The following NIBAN1 variants were observed in gnomAD, a reference collection of about 807,000 sequenced individuals.
The protein encoded by NIBAN1 is niban apoptosis regulator 1, also known as protein Niban 1.
NIBAN1 carries 81 observed loss-of-function variants against 75.1 expected under a neutral mutation model. That is an observed-to-expected ratio of 1.08 (90% CI 0.90 to 1.30). The LOEUF (loss-of-function observed/expected upper bound fraction) is 1.30. Among genes scored for constraint, NIBAN1 ranks in the 50% most tolerant of loss-of-function variants. The probability of loss-of-function intolerance (pLI) is 0.00; values close to 1 mark genes in which losing one functional copy is unlikely to be tolerated. For missense variants in NIBAN1, 1,133 were observed against 1,128.1 expected, an observed-to-expected ratio of 1.00 and a Z score of -0.06; for synonymous variants, 436 against 424.8, an observed-to-expected ratio of 1.03 and a Z score of -0.32.
intron 1 of NIBAN1, among the ~76,000 whole-genome samples, chr1:184,931,827 A>G (rs1312802968): frequency 6.6e-6 from 1 of 152,250 alleles, no homozygotes; most frequent in African/African-American, 2.4e-5. Flanking sequence ...GTAGCGCAGC[A>G]CAATCATTAA....
intron 1 of NIBAN1, among the ~76,000 whole-genome samples, chr1:184,948,883 A>G (rs1477669752): frequency 6.6e-6 from 1 of 152,206 alleles, no homozygotes; most frequent in Non-Finnish European, 1.5e-5. Flanking sequence ...TTACTTAACA[A>G]CAGATTGAAG....
intron 1 of NIBAN1, among the ~76,000 whole-genome samples, chr1:184,936,264 C>T (rs909222663): frequency 1.3e-5 from 2 of 152,128 alleles, no homozygotes; most frequent in Admixed American, 1.3e-4. Context: ...AACAGGAGAA[C>T]TCACAGATTC....
intron 9 of NIBAN1, among the ~76,000 whole-genome samples, chr1:184,813,834 G>A (rs1457524950): frequency 6.6e-6 from 1 of 152,172 alleles, no homozygotes; most frequent in Non-Finnish European, 1.5e-5. Context: ...TTCGATGCTG[G>A]AATAAGTCAT....
At chr1:184,952,241 G>T (rs1242096581) in intron 1 of NIBAN1, among the ~76,000 whole-genome samples, 1 of 151,970 alleles carries the variant, frequency 6.6e-6, no homozygotes, top group Non-Finnish European at 1.5e-5. Flanking sequence ...CTCTACAAAA[G>T]AAAATTGAAA....
intron 5 of NIBAN1, among the ~76,000 whole-genome samples, chr1:184,836,123 C>T (rs1297032582): frequency 1.3e-5 from 2 of 152,108 alleles, no homozygotes; most frequent in East Asian, 1.9e-4. Flanking sequence ...TAAAGTCTTG[C>T]TATAAAATTG....
intron 1 of NIBAN1, among the ~76,000 whole-genome samples, chr1:184,965,172 G>A (rs181189545): frequency 2.4e-4 from 37 of 152,166 alleles, no homozygotes; most frequent in African/African-American, 8.9e-4. Context: ...GGTGGTGGGC[G>A]CCTGTAGTCC....
At chr1:184,917,550 G>A (rs1657426060) in intron 1 of NIBAN1, among the ~76,000 whole-genome samples, 1 of 151,716 alleles carries the variant, frequency 6.6e-6, no homozygotes, top group East Asian at 1.9e-4. Context: ...ATCTTCAAAA[G>A]TATCCTTAAA....
chr1:184,867,375 A>G (rs150776031), intron 5 of NIBAN1, among the ~76,000 whole-genome samples: 1 of 152,186 alleles, frequency 6.6e-6, no homozygotes, highest in Non-Finnish European at 1.5e-5. Flanking sequence ...CAAACCACCT[A>G]TGTTCTTAGC....
intron 9 of NIBAN1, among the ~76,000 whole-genome samples, chr1:184,816,670 G>A (rs972005731): frequency 6.6e-6 from 1 of 152,056 alleles, no homozygotes; most frequent in African/African-American, 2.4e-5. Flanking sequence ...TTTTTCTCCT[G>A]TAAATAGGAT....
chr1:184,867,097 G>A (rs1655975989), intron 5 of NIBAN1, among the ~76,000 whole-genome samples: 1 of 151,858 alleles, frequency 6.6e-6, no homozygotes, highest in African/African-American at 2.4e-5. Context: ...ACATCAGCAA[G>A]GCCAAACAGG....
At chr1:184,871,539 TG>T (rs1656111032) in intron 5 of NIBAN1, among the ~76,000 whole-genome samples, 1 of 152,144 alleles carries the variant, frequency 6.6e-6, no homozygotes, top group Non-Finnish European at 1.5e-5. Context: ...TTTTGAACTT[TG>T]AGACAATACA....
intron 1 of NIBAN1, among the ~76,000 whole-genome samples, chr1:184,972,508 C>T (rs1404584584): frequency 1.3e-5 from 2 of 152,252 alleles, no homozygotes; most frequent in Middle Eastern, 3.4e-3. Context: ...GAGTCTTTTT[C>T]CCTGGAGGTA....
intron 1 of NIBAN1, among the ~76,000 whole-genome samples, chr1:184,955,718 T>A (rs1465246599): frequency 2.6e-5 from 4 of 152,184 alleles, no homozygotes; most frequent in Non-Finnish European, 5.9e-5. Context: ...AATGTATTCA[T>A]TGAAATGTTA....
intron 5 of NIBAN1, among the ~76,000 whole-genome samples, chr1:184,878,685 G>C (rs561788602): frequency 6.6e-6 from 1 of 152,318 alleles, no homozygotes; most frequent in Admixed American, 6.5e-5. Flanking sequence ...GCAAAGAATA[G>C]ATTGATTTAA....
chr1:184,962,848 A>G (rs1003485865), intron 1 of NIBAN1, among the ~76,000 whole-genome samples: 5 of 152,180 alleles, frequency 3.3e-5, no homozygotes, highest in Non-Finnish European at 4.4e-5. Context: ...AACTTATATT[A>G]AACACTGGTA....
chr1:184,855,142 G>A (rs1655642239), intron 5 of NIBAN1, among the ~76,000 whole-genome samples: 2 of 152,096 alleles, frequency 1.3e-5, no homozygotes, highest in Admixed American at 1.3e-4. Context: ...ATTTCCCTAC[G>A]AATAAGGCAA....
chr1:184,874,883 G>T (rs234648), intron 5 of NIBAN1, among the ~76,000 whole-genome samples: 27,709 of 151,820 alleles, frequency 0.18, 5,010 homozygotes, highest in African/African-American at 0.48. Flanking sequence ...AATATATATT[G>T]TTTTCAAGGG....
chr1:184,823,839 C>A, intron 6 of NIBAN1, 97 bp from the exon 7 acceptor site: 3 of 958,116 alleles, frequency 3.1e-6, no homozygotes, highest in East Asian at 2.5e-5. Context: ...GTCCCTGTCC[C>A]GGACCAGATG....
At chr1:184,882,599 G>C (rs1039432019) in intron 5 of NIBAN1, among the ~76,000 whole-genome samples, 2 of 152,206 alleles carry the variant, frequency 1.3e-5, no homozygotes, top group African/African-American at 4.8e-5. Context: ...ATACTGGAGA[G>C]CAGAGTGGGG....
Sources: gnomAD v4.1 joint callset for allele counts (sites outside exome capture counted in the v4.1 genomes callset) on GRCh38, gnomAD v4.1.1 for gene constraint, MANE v1.5 for transcripts, NCBI Gene and HGNC (gene_info 2026-07-23, HGNC 2026-07-21) for gene names.